Variants in FGF12 observed in about 807,000 individuals in gnomAD.
The protein encoded by FGF12 is fibroblast growth factor 12, also known as fibroblast growth factor 12B.
A neutral mutation model predicts 23.6 loss-of-function variants in FGF12; 14 were observed. The observed-to-expected ratio is 0.59, with a 90% CI of 0.39 to 0.93. The LOEUF is 0.93. FGF12 is among the 40% of genes least tolerant of loss of function. FGF12 has a pLI of 0.00. For synonymous variants in FGF12, 62 were observed against 77.3 expected (o/e 0.80, Z 1.04); for missense variants, 175 against 217.8 (o/e 0.80, Z 1.24).
chr3:192,484,680 G>C (rs568812298), intron 2 of FGF12, among the ~76,000 whole-genome samples: 29 of 152,248 alleles, frequency 1.9e-4, no homozygotes, highest in African/African-American at 2.2e-4. Context: ...AAAGGTGGGC[G>C]GACCTTATGC....
chr3:192,499,241 A>AT (rs902766262), intron 2 of FGF12, among the ~76,000 whole-genome samples: 32 of 152,132 alleles, frequency 2.1e-4, no homozygotes, highest in African/African-American at 7.7e-4. Flanking sequence ...ACAGATGAGA[A>AT]TTTTGAGAGT....
intron 4 of FGF12, among the ~76,000 whole-genome samples, chr3:192,314,590 A>G (rs1178508435): frequency 2.0e-5 from 3 of 152,330 alleles, no homozygotes; most frequent in South Asian, 4.1e-4. Flanking sequence ...TCAATGAACC[A>G]ATACCGATAA....
Position 192,395,320 on chromosome 3 carries a change from G to GGA in FGF12, c.14-34783_14-34782insTC, listed in dbSNP as rs1294948234. Reference sequence around the variant, plus strand: ...TAAGAAGGGATGGCCATTAGGAGTTGGGTTGGGGAATAAGTAAAGACATGA... The same window carrying GGA: ...TAAGAAGGGATGGCCATTAGGAGTTGGAGGTTGGGGAATAAGTAAAGACATGA... On this transcript the variant is annotated intron_variant, in intron 2 of 5. Transcript: ENST00000445105. Among the ~76,000 whole-genome samples, 5 of 152,124 alleles carry GGA rather than the reference G, an allele frequency of 3.3e-5. No individual in the cohort carries two copies. The East Asian group carries it at 9.6e-4, about 29-fold the overall frequency.
chr3:192,620,900 CGTATATACCA>C (rs1280114717), intron 2 of FGF12, among the ~76,000 whole-genome samples: 2 of 152,044 alleles, frequency 1.3e-5, no homozygotes, highest in South Asian at 4.1e-4. Flanking sequence ...TCTAGGTCTA[CGTATATACCA>C]GTATGAGCTC....
At chr3:192,312,272 T>G (rs1715988823) in intron 4 of FGF12, among the ~76,000 whole-genome samples, 1 of 152,154 alleles carries the variant, frequency 6.6e-6, no homozygotes, top group Non-Finnish European at 1.5e-5. Flanking sequence ...TATGCTTTCT[T>G]CCATGAGTTT....
At chr3:192,485,825 T>C (rs1411300867) in intron 2 of FGF12, among the ~76,000 whole-genome samples, 2 of 152,170 alleles carry the variant, frequency 1.3e-5, no homozygotes, top group Non-Finnish European at 2.9e-5. Context: ...GCATCTGAAC[T>C]GAGATAATTT....
At position 192,308,332 on chromosome 3, in the gene FGF12, T is replaced by C. The variant is rs73066549; in HGVS notation, c.228+27029A>G. Among the ~76,000 whole-genome samples the C allele has an allele frequency of 9.5e-3, 1,440 of 152,292 alleles. 22 individuals are homozygous for C. The highest frequency in any genetic ancestry group is 0.033 in the African/African-American group (1,386 of 41,560). The stretch of plus-strand genomic sequence containing the variant: ...TAAACCGTTTGGAGGGCAAATGACA[T>C]TGGCAGATCTAATGGCAAAACAAAC... On this transcript the variant is annotated intron_variant, in intron 4 of 5. Transcript: ENST00000445105.
At chr3:192,687,502 G>T (rs1717789271) in intron 2 of FGF12, among the ~76,000 whole-genome samples, 1 of 152,102 alleles carries the variant, frequency 6.6e-6, no homozygotes, top group Admixed American at 6.5e-5. Flanking sequence ...ACCAAGGAGA[G>T]GTAGTCAAAG....
chr3:192,661,671 A>G (rs1716677563), intron 2 of FGF12, among the ~76,000 whole-genome samples: 1 of 152,238 alleles, frequency 6.6e-6, no homozygotes, highest in Non-Finnish European at 1.5e-5. Flanking sequence ...AATCTTAAGT[A>G]GTGGAATAGA....
intron 4 of FGF12, among the ~76,000 whole-genome samples, chr3:192,223,126 T>C (rs1022038764): frequency 1.3e-5 from 2 of 152,162 alleles, no homozygotes; most frequent in Non-Finnish European, 2.9e-5. Flanking sequence ...AAAACTCTTT[T>C]CTTTTAGCTA....
chr3:192,292,966 A>T (rs1714837454), intron 4 of FGF12, among the ~76,000 whole-genome samples: 1 of 151,862 alleles, frequency 6.6e-6, no homozygotes, highest in Non-Finnish European at 1.5e-5. Flanking sequence ...TTTTTTTAAG[A>T]TGGGGGTCAT....
At chr3:192,490,530 TAC>T (rs113485684) in intron 2 of FGF12, among the ~76,000 whole-genome samples, 9,369 of 152,040 alleles carry the variant, frequency 0.062, 987 homozygotes, top group African/African-American at 0.22. Flanking sequence ...TTCACAAATA[TAC>T]ACATTTATAT....
At chr3:192,364,898 G>C (rs1408749043) in intron 2 of FGF12, among the ~76,000 whole-genome samples, 2 of 152,090 alleles carry the variant, frequency 1.3e-5, no homozygotes, top group African/African-American at 2.4e-5. Context: ...CACTACCTCA[G>C]TCAGGCAATC....
chr3:192,646,404 T>G (rs1310917997), intron 2 of FGF12, among the ~76,000 whole-genome samples: 2 of 152,104 alleles, frequency 1.3e-5, no homozygotes, highest in African/African-American at 4.8e-5. Context: ...ATGGCTAATT[T>G]GTCCACCAGA....
chr3:192,609,757 GA>G (rs1397811417), intron 2 of FGF12, among the ~76,000 whole-genome samples: 1 of 152,032 alleles, frequency 6.6e-6, no homozygotes, highest in Non-Finnish European at 1.5e-5. Context: ...AAAACACTCA[GA>G]AGGTCATAAC....
rs370645181 is a variant in FGF12, at chr3:192,408,113, C to T, written c.14-47575G>A. 2 of 1,613,004 alleles carry T rather than the reference C, an allele frequency of 1.2e-6. No individual in the cohort carries two copies. The highest frequency in any genetic ancestry group is 1.7e-6 in the Non-Finnish European group (2 of 1,180,020). On this transcript the variant is annotated intron_variant, in intron 2 of 5. Transcript: ENST00000445105. This position sits in a 1 kb window ranked among gnomAD's most constrained non-coding sequence, Gnocchi z 7.3. ...GGACGTGCCTCTCGCACAGGGAGCG[C>T]CCGTCTTTGCTGGGGCTGGAGCGGC...
Position 192,141,551 on chromosome 3 carries a change from G to A in FGF12, c.*2458C>T, listed in dbSNP as rs1036030709. On this transcript the variant is annotated 3_prime_UTR_variant, in exon 6 of 6. Coordinates refer to ENST00000445105, the MANE Select transcript of FGF12 (RefSeq NM_004113.6). ...AGTGAACATTTGCTTAACATAATAC[G>A]GAGAAAAACAATATACAAATTGTGT... is the stretch of plus-strand genomic sequence containing the variant. The A allele has an allele frequency of 2.0e-5, 3 of 151,806 alleles. No individual in the cohort carries two copies. The highest frequency in any genetic ancestry group is 7.3e-5 in the African/African-American group (3 of 41,364). 9.4% of individuals were successfully genotyped at this position (151,806 alleles called of 1,614,324 possible).
At chr3:192,588,119 G>T (rs1296967649) in intron 2 of FGF12, among the ~76,000 whole-genome samples, 3 of 151,366 alleles carry the variant, frequency 2.0e-5, no homozygotes, top group African/African-American at 4.8e-5. Context: ...GCCGAGGTGG[G>T]TGAATAACCA....
chr3:192,395,853 A>C (rs1720496199), intron 2 of FGF12, among the ~76,000 whole-genome samples: 3 of 152,222 alleles, frequency 2.0e-5, no homozygotes, highest in Admixed American at 2.0e-4. Flanking sequence ...TCTCTGGGTA[A>C]GTGAAGGATA....
Sources: gnomAD v4.1 joint callset for allele counts (sites outside exome capture counted in the v4.1 genomes callset) on GRCh38, gnomAD v4.1.1 for gene constraint, Gnocchi (gnomAD v3.1) non-coding constraint, MANE v1.5 for transcripts, NCBI Gene and HGNC (gene_info 2026-07-23, HGNC 2026-07-21) for gene names.